MYBPC2: variants seen among roughly 807,000 people sequenced by gnomAD.
MYBPC2 encodes the protein myosin binding protein C2.
A neutral mutation model predicts 137.0 loss-of-function variants in MYBPC2; 122 were observed. The observed-to-expected ratio is 0.89, with a 90% confidence interval of 0.77 to 1.03. The LOEUF (loss-of-function observed/expected upper bound fraction) is 1.03. Among genes scored for constraint, MYBPC2 ranks in the 50% least tolerant of loss-of-function variants. The pLI is 0.00. For synonymous variants in MYBPC2, 626 were observed against 612.3 expected, an observed-to-expected ratio of 1.02 and a Z score of -0.33; for missense variants, 1,500 against 1,534.4, an observed-to-expected ratio of 0.98 and a Z score of 0.37.
chr19:50,451,872 A>G lies in MYBPC2; in HGVS notation c.1618A>G (p.Lys540Glu). The change falls in exon 16 of 28, where the codon AAG becomes GAG. Residue 540 changes from lysine (K) to glutamate (E), a missense_variant. Coordinates refer to ENST00000357701, the MANE Select transcript of MYBPC2 (RefSeq NM_004533.4). Reference sequence around the variant, plus strand: ...CTCTTCTGTGCCACCAGAGCCACCAAAGATCCACTTGGATTGCTCGGGGAA... The same window carrying G: ...CTCTTCTGTGCCACCAGAGCCACCAGAGATCCACTTGGATTGCTCGGGGAA... ...VEYVPKQEPP[K>E]IHLDCSGKTS... 6.3e-7 allele frequency: 1 copy of G among 1,593,016 alleles called. No individual in the cohort carries two copies. The highest frequency in any genetic ancestry group is 2.3e-5 in the East Asian group (1 of 44,158).
chr19:50,455,779 TA>T, intron 20 of MYBPC2, 135 bp downstream of exon 20: 1 of 1,325,080 alleles, frequency 7.5e-7, no homozygotes, highest in Non-Finnish European at 1.0e-6. Context: ...TGTACTGTTA[TA>T]AGTCTCTGGG....
intron 12 of MYBPC2, 130 bp from the exon 13 acceptor site, chr19:50,448,095 G>T: frequency 8.9e-7 from 1 of 1,125,872 alleles, no homozygotes; most frequent in Non-Finnish European, 1.2e-6. Flanking sequence ...AGGCCAACGG[G>T]TTGTTTCTGG....
At chr19:50,442,391 C>T in intron 9 of MYBPC2, 78 bp downstream of exon 9, 1 of 1,537,810 alleles carries the variant, frequency 6.5e-7, no homozygotes, top group Non-Finnish European at 8.8e-7. Flanking sequence ...GCCTATCACT[C>T]TTAACCAGAA....
chr19:50,436,829 G>A, intron 5 of MYBPC2, 95 bp downstream of exon 5: 1 of 1,177,588 alleles, frequency 8.5e-7, no homozygotes, highest in Non-Finnish European at 1.2e-6. Flanking sequence ...ACAGGCATGG[G>A]CATGAGGTGG....
At position 50,436,069 on chromosome 19, in the gene MYBPC2, C is replaced by A. The variant is rs202201938; in HGVS notation, c.254C>A (p.Thr85Asn). The change falls in exon 4 of 28, where the codon ACC becomes AAC. Residue 85 changes from threonine (T) to asparagine (N), a missense_variant. Coordinates refer to ENST00000357701, the MANE Select transcript of MYBPC2 (RefSeq NM_004533.4). ...VNGKELPDKP[T>N]IKWFKGKWLE... is the part of the protein sequence containing the mutation. ...GGGAAGGAGCTCCCAGACAAACCGA[C>A]CATCAAGTGGTTCAAGGGGAAGTGG... 1.3e-6 allele frequency: 2 copies of A among 1,584,494 alleles called. No individual in the cohort carries two copies. Among genetic ancestry groups the A allele is most frequent in the Admixed American group, 1.8e-5 (1 of 55,434 alleles).
chr19:50,453,852 T>C (rs2039882164), intron 16 of MYBPC2, among the ~76,000 whole-genome samples, 168 bp from the exon 17 acceptor site: 1 of 151,970 alleles, frequency 6.6e-6, no homozygotes, highest in Non-Finnish European at 1.5e-5. Flanking sequence ...GTCTGGTGCT[T>C]TTAATGAAGG....
At chr19:50,444,132 G>GTCCATCCA (rs3087049) in intron 11 of MYBPC2, among the ~76,000 whole-genome samples, 1,989 of 144,576 alleles carry the variant, frequency 0.014, 27 homozygotes, top group Middle Eastern at 0.025. Flanking sequence ...CATCCACCCA[G>GTCCATCCA]TCCATCCATC....
chr19:50,442,414 C>A, intron 9 of MYBPC2, 101 bp downstream of exon 9: 1 of 1,476,736 alleles, frequency 6.8e-7, no homozygotes, highest in East Asian at 2.5e-5. Context: ...GGCATATTCA[C>A]CCCTATATGA....
At chr19:50,456,390 A>G (rs1304695590) in intron 20 of MYBPC2, among the ~76,000 whole-genome samples, 1 of 144,834 alleles carries the variant, frequency 6.9e-6, no homozygotes, top group Non-Finnish European at 1.5e-5. Context: ...CCATCCATCC[A>G]TCCATCCATC....
Position 50,461,921 on chromosome 19 carries a change from A to C in MYBPC2, c.3113A>C (p.Glu1038Ala). 1.9e-6 allele frequency: 3 copies of C among 1,597,436 alleles called. No individual in the cohort carries two copies. Among genetic ancestry groups the C allele is most frequent in the Non-Finnish European group, 1.7e-6 (2 of 1,171,574 alleles). The change falls in exon 26 of 28, where the codon GAG becomes GCG. Residue 1038 changes from glutamate (E) to alanine (A), a missense_variant. Physicochemically the swap from Glu to Ala is moderately radical, Grantham distance 107. Coordinates refer to ENST00000357701, the MANE Select transcript of MYBPC2 (RefSeq NM_004533.4). ...LKTGITFKPF[E>A]YKEHDFRMAP... ...CCAGGAATCACCTTCAAACCGTTCG[A>C]GTATAAGGAGCATGACTTCCGGATG... is the stretch of plus-strand genomic sequence containing the variant.
At position 50,440,942 on chromosome 19, in the gene MYBPC2, C is replaced by A. The variant is rs200355496; in HGVS notation, c.635C>A (p.Pro212Gln). 5.0e-6 allele frequency: 8 copies of A among 1,613,680 alleles called. No individual in the cohort carries two copies. Among genetic ancestry groups the A allele is most frequent in the Non-Finnish European group, 5.1e-6 (6 of 1,179,804 alleles). The change falls in exon 8 of 28, where the codon CCG becomes CAG. Residue 212 changes from proline to glutamine, a missense_variant. Transcript: ENST00000357701. ...GATGACGATGACCTAGGCATCCCCC[C>A]GGAGATTTGGGAGCTCCTGAAAGGG... ...KKDDDDLGIP[P>Q]EIWELLKGAK...
chr19:50,458,709 G>C lies in MYBPC2; in HGVS notation c.2461G>C (p.Glu821Gln), dbSNP rs765717786. Reference sequence around the variant, plus strand: ...TGGGGTCAACATCGCGGGGCGCAGCGAGCCGGCCACCCTGGCCCAGCCGGT... The same window carrying C: ...TGGGGTCAACATCGCGGGGCGCAGCCAGCCGGCCACCCTGGCCCAGCCGGT... The part of the protein sequence containing the change: ...VVGVNIAGRS[E>Q]PATLAQPVTI... The change falls in exon 21 of 28, where the codon GAG (glutamate) becomes CAG (glutamine). Residue 821 changes from glutamate (E) to glutamine (Q), a missense_variant. Glu to Gln is a conservative substitution (Grantham distance 29). Coordinates refer to ENST00000357701, the MANE Select transcript of MYBPC2 (RefSeq NM_004533.4). 8.1e-6 allele frequency: 13 copies of C among 1,609,984 alleles called. No homozygotes were observed. The highest frequency in any genetic ancestry group is 1.1e-5 in the Non-Finnish European group (13 of 1,179,834).
In MYBPC2 at chr19:50,454,123, T is replaced by A. The variant is rs372450882; in HGVS notation, c.1853T>A (p.Ile618Asn). ...AQREDEGRYT[I>N]KVTNPVGEDV... ...CGGGAAGACGAGGGCCGCTACACCA[T>A]CAAGGTCACCAACCCCGTCGGCGAG... is the stretch of plus-strand genomic sequence containing the variant. Residue 618 changes from isoleucine (I) to asparagine (N), a missense_variant, in exon 17 of 28, where the codon ATC (isoleucine) becomes AAC (asparagine). Ile to Asn is a moderately radical substitution (Grantham distance 149). Transcript: ENST00000357701. The A allele has an allele frequency of 6.2e-7, 1 of 1,613,226 alleles. No homozygotes were observed. The highest frequency in any genetic ancestry group is 1.3e-5 in the African/African-American group (1 of 74,872).
chr19:50,443,390 T>TGA lies in MYBPC2; in HGVS notation c.903-87_903-86dup, dbSNP rs147720211. On this transcript the variant is annotated intron_variant, in intron 9 of 27. Transcript: ENST00000357701. ...AATCCCTTTCCACACAATTTGGCTCTGAGAGAGAGAGAGAGAGACTTGCCT... is the reference window on the plus strand; with the variant it reads ...AATCCCTTTCCACACAATTTGGCTCTGAGAGAGAGAGAGAGAGAGACTTGCCT... 4,534 of 1,296,384 alleles carry TGA rather than the reference T, an allele frequency of 3.5e-3. 1 individual carries two copies. The highest frequency in any genetic ancestry group is 5.8e-3 in the African/African-American group (388 of 66,950). 80.3% of individuals were successfully genotyped at this position (1,296,384 alleles called of 1,614,324 possible). A position where few individuals can be genotyped will look rare whatever the true frequency, so the allele number is the denominator to read the frequency against.
chr19:50,436,212 G>C (rs944635671), intron 4 of MYBPC2, 52 bp downstream of exon 4: 26 of 1,542,712 alleles, frequency 1.7e-5, no homozygotes, highest in Admixed American at 2.0e-5. Context: ...AGCTTGTGCA[G>C]GACATGCTCC....
intron 27 of MYBPC2, among the ~76,000 whole-genome samples, chr19:50,464,823 A>G (rs1029041201): frequency 2.0e-5 from 3 of 152,154 alleles, no homozygotes; most frequent in Non-Finnish European, 4.4e-5. Flanking sequence ...CAAGGCCTCC[A>G]GTGTACCTGG....
At chr19:50,455,891 TCCC>T (rs970856951) in intron 20 of MYBPC2, among the ~76,000 whole-genome samples, 1 of 152,110 alleles carries the variant, frequency 6.6e-6, no homozygotes, top group Non-Finnish European at 1.5e-5. Flanking sequence ...TATCCTTCCA[TCCC>T]CCCATTTATC....
At chr19:50,445,419 G>C (rs1208347306) in intron 11 of MYBPC2, among the ~76,000 whole-genome samples, 4 of 145,922 alleles carry the variant, frequency 2.7e-5, no homozygotes, top group African/African-American at 1.0e-4. Context: ...TTGAGACAGA[G>C]TCTCACTCTG....
chr19:50,440,555 C>T (rs564970464), intron 7 of MYBPC2, among the ~76,000 whole-genome samples: 151 of 150,474 alleles, frequency 1.0e-3, no homozygotes, highest in African/African-American at 3.5e-3. Context: ...CCCAGCTACT[C>T]GGGAGGCTGA....
Sources: allele counts gnomAD v4.1 joint callset (sites outside exome capture counted in the v4.1 genomes callset), GRCh38; gene constraint gnomAD v4.1.1; transcripts MANE v1.5; gene names NCBI Gene and HGNC (gene_info 2026-07-23, HGNC 2026-07-21).